CPEB3: variants seen among roughly 807,000 people sequenced by gnomAD.
CPEB3 encodes cytoplasmic polyadenylation element-binding protein 3.
CPEB3 carries 20 observed loss-of-function variants against 67.2 expected under a neutral mutation model. The observed-to-expected ratio is 0.30, with a 90% CI of 0.21 to 0.43. The LOEUF is 0.43. Ranked by LOEUF, CPEB3 falls within the 20% of genes least tolerant of loss-of-function variation. The probability of loss-of-function intolerance (pLI) is 1.00; values close to 1 mark genes in which losing one functional copy is unlikely to be tolerated. For missense variants in CPEB3, 746 were observed against 968.6 expected (o/e 0.77, Z 3.05); for synonymous variants, 376 against 393.1 (o/e 0.96, Z 0.51).
At chr10:92,112,715 T>C (rs558741738) in intron 6 of CPEB3, among the ~76,000 whole-genome samples, 1 of 152,328 alleles carries the variant, frequency 6.6e-6, no homozygotes, top group South Asian at 2.1e-4. Flanking sequence ...TTTCAACTTC[T>C]CTACAACCCT....
chr10:92,246,543 T>C (rs1852077390), intron 1 of CPEB3, among the ~76,000 whole-genome samples: 1 of 151,190 alleles, frequency 6.6e-6, no homozygotes. Flanking sequence ...AGTCTCACTC[T>C]GTTGCCCAGG....
chr10:92,118,661 G>T (rs1845161347), intron 6 of CPEB3: 2 of 645,634 alleles, frequency 3.1e-6, no homozygotes, highest in South Asian at 1.5e-5. Flanking sequence ...CAAGATGGCT[G>T]CACTCTTGCT....
chr10:92,264,649 G>A (rs1273161639), intron 1 of CPEB3, among the ~76,000 whole-genome samples: 1 of 151,382 alleles, frequency 6.6e-6, no homozygotes, highest in Non-Finnish European at 1.5e-5. Context: ...CCGGGAGGCA[G>A]AGGTTGCAGT....
chr10:92,106,849 GAAAAAAGA>G (rs1388571403), intron 7 of CPEB3, among the ~76,000 whole-genome samples: 1 of 113,650 alleles, frequency 8.8e-6, no homozygotes, highest in African/African-American at 3.5e-5. Flanking sequence ...AAGAAAGAAA[GAAAAAAGA>G]AAAAAAGAAA....
intron 8 of CPEB3, among the ~76,000 whole-genome samples, chr10:92,090,071 G>A (rs1348268278): frequency 6.6e-6 from 1 of 152,144 alleles, no homozygotes; most frequent in African/African-American, 2.4e-5. Context: ...ATTAAAACAG[G>A]AAGAATAAAG....
At position 92,264,885 on chromosome 10, in the gene CPEB3, G is replaced by C. The variant is rs545225315; in HGVS notation, c.-11-24524C>G. Among the ~76,000 whole-genome samples the C allele has an allele frequency of 5.7e-4, 87 of 152,152 alleles. 1 individual carries two copies. The highest frequency in any genetic ancestry group is 2.9e-5 in the Non-Finnish European group (2 of 68,026). Reference sequence around the variant, plus strand: ...ACTCTTGTCTATAAAAAAAATTTAAGGTCGGGCATGTGGCTCAATCCTGTA... The same window carrying C: ...ACTCTTGTCTATAAAAAAAATTTAACGTCGGGCATGTGGCTCAATCCTGTA... On this transcript the variant is annotated intron_variant, in intron 1 of 9. Transcript: ENST00000265997.
chr10:92,267,963 C>A (rs911118791), intron 1 of CPEB3, among the ~76,000 whole-genome samples: 2 of 152,230 alleles, frequency 1.3e-5, no homozygotes, highest in African/African-American at 4.8e-5. Context: ...GGACTACAGG[C>A]ACGCACCACA....
chr10:92,257,516 A>C (rs1487594204), intron 1 of CPEB3, among the ~76,000 whole-genome samples: 2 of 151,982 alleles, frequency 1.3e-5, no homozygotes, highest in Non-Finnish European at 2.9e-5. Flanking sequence ...GGCTGGTTTC[A>C]AACTCCTGGG....
intron 2 of CPEB3, among the ~76,000 whole-genome samples, chr10:92,205,625 C>T (rs913103002): frequency 2.6e-5 from 4 of 151,558 alleles, no homozygotes; most frequent in Admixed American, 2.0e-4. Flanking sequence ...TATGGGTGTG[C>T]GCCATGATGC....
chr10:92,187,858 C>A (rs1209945493), intron 3 of CPEB3, among the ~76,000 whole-genome samples: 1 of 152,130 alleles, frequency 6.6e-6, no homozygotes, highest in East Asian at 1.9e-4. Flanking sequence ...TTGCTCCCTC[C>A]TACTACATCT....
At chr10:92,063,047 T>A (rs181146909) in intron 9 of CPEB3, among the ~76,000 whole-genome samples, 1 of 152,372 alleles carries the variant, frequency 6.6e-6, no homozygotes, top group Admixed American at 6.5e-5. Flanking sequence ...TGGATTGATA[T>A]GGAGCCTTAG....
chr10:92,070,838 A>G (rs932823017), intron 9 of CPEB3, among the ~76,000 whole-genome samples: 2 of 130,036 alleles, frequency 1.5e-5, no homozygotes, highest in African/African-American at 5.7e-5. Context: ...ATAAGCTTCA[A>G]GTCAGTGACA....
chr10:92,240,983 G>A (rs536192590), intron 1 of CPEB3, among the ~76,000 whole-genome samples: 7 of 152,216 alleles, frequency 4.6e-5, no homozygotes, highest in African/African-American at 1.7e-4. Flanking sequence ...TTTGTTAGAA[G>A]GACTCAGCTG....
chr10:92,142,631 T>G (rs1286977360), intron 6 of CPEB3, among the ~76,000 whole-genome samples: 1 of 152,210 alleles, frequency 6.6e-6, no homozygotes, highest in Non-Finnish European at 1.5e-5. Context: ...GCCACTAGGT[T>G]TCCCAGGTTT....
At chr10:92,254,033 A>G (rs896083083) in intron 1 of CPEB3, among the ~76,000 whole-genome samples, 2 of 152,108 alleles carry the variant, frequency 1.3e-5, no homozygotes, top group Non-Finnish European at 2.9e-5. Context: ...GTTTGAGACC[A>G]CCTTAGGCAA....
intron 1 of CPEB3, among the ~76,000 whole-genome samples, chr10:92,290,713 A>G (rs1329984916): frequency 6.6e-6 from 1 of 151,946 alleles, no homozygotes; most frequent in East Asian, 1.9e-4. Flanking sequence ...AATTCCCCCA[A>G]AATGGGCTCT....
intron 1 of CPEB3, among the ~76,000 whole-genome samples, chr10:92,269,699 A>G (rs1853218075): frequency 6.6e-6 from 1 of 152,092 alleles, no homozygotes; most frequent in Non-Finnish European, 1.5e-5. Context: ...CTGGGATTAC[A>G]GGCATGCACC....
intron 4 of CPEB3, among the ~76,000 whole-genome samples, chr10:92,162,095 C>A (rs1042479672): frequency 1.3e-5 from 2 of 152,012 alleles, no homozygotes; most frequent in Admixed American, 1.3e-4. Flanking sequence ...CCTCTAAGAA[C>A]TTTAATTCTC....
chr10:92,084,438 T>G (rs1391579042), intron 8 of CPEB3, among the ~76,000 whole-genome samples: 1 of 152,074 alleles, frequency 6.6e-6, no homozygotes, highest in Non-Finnish European at 1.5e-5. Context: ...GACATTTGAG[T>G]TGATTAGGTC....
Sources: allele counts gnomAD v4.1 joint callset (sites outside exome capture counted in the v4.1 genomes callset), GRCh38; gene constraint gnomAD v4.1.1; transcripts MANE v1.5; gene names NCBI Gene and HGNC (gene_info 2026-07-23, HGNC 2026-07-21).